Variants in RXFP2 observed in about 807,000 individuals in gnomAD.
RXFP2 encodes the protein relaxin receptor 2.
RXFP2 carries 68 observed loss-of-function variants against 88.6 expected under a neutral mutation model. The observed-to-expected ratio is 0.77, with a 90% confidence interval of 0.63 to 0.94. The LOEUF (loss-of-function observed/expected upper bound fraction) is 0.94, where lower values mean the gene tolerates loss of function less well. Ranked by LOEUF, RXFP2 falls within the 40% of genes least tolerant of loss-of-function variation. The pLI, the probability that RXFP2 is intolerant of heterozygous loss-of-function variation, is 0.00. For synonymous variants in RXFP2, 329 were observed against 306.8 expected (o/e 1.07, Z -0.76); for missense variants, 791 against 893.9 (o/e 0.88, Z 1.47).
intron 5 of RXFP2, among the ~76,000 whole-genome samples, chr13:31,767,910 C>T (rs1045150167): frequency 3.9e-5 from 6 of 152,026 alleles, no homozygotes; most frequent in East Asian, 1.9e-4. Context: ...GGGGAGGGGG[C>T]GGAGTCACTA....
In RXFP2 at chr13:31,786,628, T is replaced by A; in HGVS notation, c.1064T>A (p.Leu355His). Residue 355 changes from leucine to histidine, a missense_variant, in exon 13 of 18, where the codon CTT becomes CAT. By Grantham distance (99) the Leu-to-His change is moderately conservative (BLOSUM62 -3). Transcript: ENST00000298386. ...AACCAGTTTGAAAGTCTTAAACAAC[T>A]TCAGTCTCTGTAAGTGAAATATTAC... ...HKNQFESLKQ[L>H]QSLDLERIEI... The A allele has an allele frequency of 6.4e-7, 1 of 1,569,410 alleles. No homozygotes were observed. The highest frequency in any genetic ancestry group is 8.8e-7 in the Non-Finnish European group (1 of 1,139,720).
intron 1 of RXFP2, among the ~76,000 whole-genome samples, chr13:31,754,186 T>C (rs1224055999): frequency 1.3e-5 from 2 of 152,218 alleles, no homozygotes; most frequent in Non-Finnish European, 2.9e-5. Context: ...CTCTGCCGCC[T>C]AGACGTTCTG....
At chr13:31,754,263 G>T (rs1871819212) in intron 1 of RXFP2, among the ~76,000 whole-genome samples, 1 of 152,206 alleles carries the variant, frequency 6.6e-6, no homozygotes, top group African/African-American at 2.4e-5. Context: ...GGGCGCAGTG[G>T]CTCACACCTG....
intron 17 of RXFP2, among the ~76,000 whole-genome samples, chr13:31,799,891 T>C (rs75076210): frequency 0.011 from 1,624 of 152,250 alleles, 29 homozygotes; most frequent in African/African-American, 0.037. Flanking sequence ...TGTCCTCACA[T>C]GGCAGCAGAA....
intron 8 of RXFP2, 126 bp downstream of exon 8, chr13:31,777,573 G>GTGTTTCCAGCCACAGTTA: frequency 1.4e-6 from 1 of 692,560 alleles, no homozygotes; most frequent in East Asian, 2.7e-5. Flanking sequence ...AACTTCTCCT[G>GTGTTTCCAGCCACAGTTA]TGTTTCCAGC....
intron 1 of RXFP2, 98 bp downstream of exon 1, chr13:31,739,804 TAA>T (rs139974858): frequency 2.9e-6 from 2 of 696,134 alleles, no homozygotes; most frequent in African/African-American, 1.8e-5. Context: ...TTGGGGTGTT[TAA>T]AAAAAAAACA....
At chr13:31,757,921 GTC>G (rs1303827165) in intron 1 of RXFP2, among the ~76,000 whole-genome samples, 3 of 151,946 alleles carry the variant, frequency 2.0e-5, no homozygotes, top group Non-Finnish European at 2.9e-5. Context: ...GTGAAACCCC[GTC>G]TCTACTAAAA....
intron 2 of RXFP2, 78 bp from the exon 3 acceptor site, chr13:31,761,646 C>G (rs1217189222): frequency 3.2e-6 from 3 of 936,186 alleles, no homozygotes; most frequent in East Asian, 4.9e-5. Flanking sequence ...AGTTTAAAAT[C>G]ATTACCAAAT....
intron 5 of RXFP2, among the ~76,000 whole-genome samples, chr13:31,774,283 G>A (rs1318326321): frequency 6.6e-6 from 1 of 152,200 alleles, no homozygotes; most frequent in Non-Finnish European, 1.5e-5. Context: ...TGCGAGGCTG[G>A]CTAGTCTCAC....
chr13:31,775,483 ATTT>A (rs1872907219), intron 7 of RXFP2, 94 bp downstream of exon 7: 1 of 930,370 alleles, frequency 1.1e-6, no homozygotes, highest in East Asian at 2.4e-5. Context: ...GACATATCTT[ATTT>A]TTATACTTGC....
At chr13:31,791,000 A>G (rs1478712107) in intron 14 of RXFP2, among the ~76,000 whole-genome samples, 4 of 152,206 alleles carry the variant, frequency 2.6e-5, no homozygotes, top group Admixed American at 2.6e-4. Context: ...TAGAAACTGA[A>G]TTGAGAAATA....
At position 31,802,599 on chromosome 13, in the gene RXFP2, A is replaced by G. The variant is rs1874408911; in HGVS notation, c.*194A>G. On this transcript the variant is annotated 3_prime_UTR_variant, in exon 18 of 18. Transcript: ENST00000298386. ...ACCAACCATGCTGAGGACAGCACCA[A>G]AGGTTCCTCTCCTCACCCCACATGC... 1.5e-6 allele frequency: 1 copy of G among 645,278 alleles called. No individual in the cohort carries two copies. 40.0% of individuals were successfully genotyped at this position (645,278 alleles called of 1,614,324 possible).
chr13:31,763,832 G>A (rs1474383791), intron 3 of RXFP2, among the ~76,000 whole-genome samples: 1 of 152,046 alleles, frequency 6.6e-6, no homozygotes, highest in African/African-American at 2.4e-5. Flanking sequence ...TTCAATGGTG[G>A]TTATGTCAAT....
At chr13:31,768,784 C>T (rs1872640271) in intron 5 of RXFP2, among the ~76,000 whole-genome samples, 1 of 152,196 alleles carries the variant, frequency 6.6e-6, no homozygotes, top group Non-Finnish European at 1.5e-5. Context: ...CTCAACTCCT[C>T]CTGCTCTTTT....
chr13:31,754,936 C>T (rs1302721561), intron 1 of RXFP2, among the ~76,000 whole-genome samples: 2 of 152,294 alleles, frequency 1.3e-5, no homozygotes, highest in South Asian at 2.1e-4. Flanking sequence ...GAGCTTCCTT[C>T]TTAACATTCT....
At chr13:31,776,097 T>TTC (rs1566227777) in intron 7 of RXFP2, among the ~76,000 whole-genome samples, 57 of 112,902 alleles carry the variant, frequency 5.0e-4, no homozygotes, top group African/African-American at 2.0e-3. Context: ...TCTTTCTTTC[T>TTC]TTTCTTTTCT....
At chr13:31,799,730 T>A (rs972065540) in intron 17 of RXFP2, among the ~76,000 whole-genome samples, 2 of 152,162 alleles carry the variant, frequency 1.3e-5, no homozygotes, top group Non-Finnish European at 2.9e-5. Flanking sequence ...TTAATCTTCT[T>A]TGAGGCTTTT....
At chr13:31,771,322 C>CA (rs1017732596) in intron 5 of RXFP2, among the ~76,000 whole-genome samples, 30 of 152,318 alleles carry the variant, frequency 2.0e-4, no homozygotes, top group African/African-American at 6.3e-4. Flanking sequence ...AGCGAGCAAG[C>CA]AAAGCTGAGC....
In RXFP2 at chr13:31,758,256, A is replaced by G. The variant is rs759999993; in HGVS notation, c.95-2A>G. 2 of 1,614,036 alleles carry G rather than the reference A, an allele frequency of 1.2e-6. No individual in the cohort carries two copies. The highest frequency in any genetic ancestry group is 3.3e-5 in the Admixed American group (2 of 60,026). On this transcript the variant is annotated splice_acceptor_variant, in intron 1 of 17. Transcript: ENST00000298386. LOFTEE classifies it high-confidence loss of function. Reference sequence around the variant, plus strand: ...TTTGTTTTTGCCCCTTCTTTCATGTAGATTTTGCACTGACTCAAGGTAGCA... The same window carrying G: ...TTTGTTTTTGCCCCTTCTTTCATGTGGATTTTGCACTGACTCAAGGTAGCA...
Sources: allele counts gnomAD v4.1 joint callset (sites outside exome capture counted in the v4.1 genomes callset), GRCh38; gene constraint gnomAD v4.1.1; transcripts MANE v1.5; gene names NCBI Gene and HGNC (gene_info 2026-07-23, HGNC 2026-07-21).